KCNH8: variants seen among roughly 807,000 people sequenced by gnomAD.
The protein encoded by KCNH8 is voltage-gated delayed rectifier potassium channel KCNH8.
KCNH8 carries 70 observed loss-of-function variants against 103.6 expected under a neutral mutation model. That is an observed-to-expected ratio of 0.68 (90% confidence interval 0.56 to 0.82). The LOEUF is 0.82. Ranked by LOEUF, KCNH8 falls within the 40% of genes least tolerant of loss-of-function variation. The pLI is 0.00. For synonymous variants in KCNH8, 498 were observed against 489.4 expected, an observed-to-expected ratio of 1.02 and a Z score of -0.23; for missense variants, 1,217 against 1,329.9, an observed-to-expected ratio of 0.92 and a Z score of 1.32.
At chr3:19,478,123 G>T (rs754970979) in intron 11 of KCNH8, among the ~76,000 whole-genome samples, 4 of 152,024 alleles carry the variant, frequency 2.6e-5, no homozygotes, top group Non-Finnish European at 4.4e-5. Flanking sequence ...GTATTCCATG[G>T]TTTATATACA....
chr3:19,306,050 T>C (rs1386107439), intron 3 of KCNH8, among the ~76,000 whole-genome samples: 1 of 152,094 alleles, frequency 6.6e-6, no homozygotes, highest in Non-Finnish European at 1.5e-5. Context: ...GTTTCTGGTG[T>C]GAAAGAAATG....
At chr3:19,414,291 C>T (rs1157886492) in intron 7 of KCNH8, among the ~76,000 whole-genome samples, 2 of 151,904 alleles carry the variant, frequency 1.3e-5, no homozygotes, top group African/African-American at 4.8e-5. Context: ...TCAATATTTA[C>T]TGATAAGTAG....
chr3:19,323,054 C>T (rs1368414609), intron 3 of KCNH8, among the ~76,000 whole-genome samples: 5 of 151,980 alleles, frequency 3.3e-5, no homozygotes, highest in Non-Finnish European at 7.4e-5. Flanking sequence ...TTGTTTTTTA[C>T]GTTTGCTATT....
intron 1 of KCNH8, among the ~76,000 whole-genome samples, chr3:19,157,751 A>G: frequency 6.6e-6 from 1 of 152,112 alleles, no homozygotes. Context: ...AGATATTTAA[A>G]TGCTTTGTTG....
chr3:19,479,754 A>G (rs1251310329), intron 11 of KCNH8, among the ~76,000 whole-genome samples: 2 of 152,150 alleles, frequency 1.3e-5, no homozygotes. Flanking sequence ...CATTTTAACT[A>G]TGAGAGTCGT....
intron 14 of KCNH8, among the ~76,000 whole-genome samples, chr3:19,516,026 A>C (rs977358926): frequency 1.3e-5 from 2 of 152,112 alleles, no homozygotes; most frequent in African/African-American, 4.8e-5. Flanking sequence ...TCTGTCAACA[A>C]GACAAATAAA....
At chr3:19,365,550 A>G (rs1214478471) in intron 5 of KCNH8, among the ~76,000 whole-genome samples, 1 of 152,084 alleles carries the variant, frequency 6.6e-6, no homozygotes, top group Non-Finnish European at 1.5e-5. Flanking sequence ...TGCCACTTAA[A>G]TATAAAAATC....
chr3:19,295,633 C>T (rs939782332), intron 3 of KCNH8, among the ~76,000 whole-genome samples: 2 of 152,078 alleles, frequency 1.3e-5, no homozygotes, highest in Non-Finnish European at 2.9e-5. Context: ...ACAGAAAGGT[C>T]TATAGGTAAC....
At chr3:19,494,968 CAT>C (rs934910495) in intron 11 of KCNH8, among the ~76,000 whole-genome samples, 4 of 152,002 alleles carry the variant, frequency 2.6e-5, no homozygotes, top group Non-Finnish European at 4.4e-5. Context: ...AGCATTTTTT[CAT>C]ATGTTTTCTA....
chr3:19,363,964 G>A (rs2065978175), intron 5 of KCNH8, among the ~76,000 whole-genome samples: 1 of 152,026 alleles, frequency 6.6e-6, no homozygotes, highest in African/African-American at 2.4e-5. Context: ...TTTATGATGA[G>A]GAGAAAATTA....
chr3:19,501,869 A>G (rs1475669652), intron 11 of KCNH8, among the ~76,000 whole-genome samples: 1 of 152,180 alleles, frequency 6.6e-6, no homozygotes, highest in Admixed American at 6.5e-5. Flanking sequence ...CTGGCACAAG[A>G]CAGGGATGCC....
intron 7 of KCNH8, among the ~76,000 whole-genome samples, chr3:19,416,947 G>A (rs2066872803): frequency 6.6e-6 from 1 of 151,968 alleles, no homozygotes; most frequent in Non-Finnish European, 1.5e-5. Flanking sequence ...TATAAAAGGT[G>A]TAGTTCCAGT....
At chr3:19,260,534 A>ATATT (rs2064419887) in intron 2 of KCNH8, among the ~76,000 whole-genome samples, 1 of 109,510 alleles carries the variant, frequency 9.1e-6, no homozygotes, top group African/African-American at 3.4e-5. Flanking sequence ...ATATATATAT[A>ATATT]GTAAAATGGT....
At chr3:19,396,072 C>G (rs949677662) in intron 7 of KCNH8, among the ~76,000 whole-genome samples, 1 of 151,960 alleles carries the variant, frequency 6.6e-6, no homozygotes, top group Admixed American at 6.6e-5. Flanking sequence ...CAGTCATACC[C>G]TTTAGAGAAT....
chr3:19,449,348 A>G (rs1489180822), intron 8 of KCNH8, among the ~76,000 whole-genome samples: 1 of 150,978 alleles, frequency 6.6e-6, no homozygotes, highest in Non-Finnish European at 1.5e-5. Context: ...GGTGGCAACA[A>G]GGACTCTAAG....
Position 19,513,101 on chromosome 3 carries a change from G to A in KCNH8, c.2211G>A (p.Ser737=), listed in dbSNP as rs115216381. 2.3e-4 allele frequency: 374 copies of A among 1,613,770 alleles called. 1 individual carries two copies. The highest frequency in any genetic ancestry group is 1.7e-3 in the African/African-American group (130 of 74,976). Residue 737 remains serine (S), a synonymous_variant, in exon 13 of 16, where the codon TCG becomes TCA. Coordinates refer to ENST00000328405, the MANE Select transcript of KCNH8 (RefSeq NM_144633.3). Reference sequence around the variant, plus strand: ...CCATCTGCACAAGGGGATCTTCTTCGCGCAACAAGAAGGTTGGAAGCAATA... The same window carrying A: ...CCATCTGCACAAGGGGATCTTCTTCACGCAACAAGAAGGTTGGAAGCAATA... ...LSPICTRGSS[S]RNKKVGSNKA...
chr3:19,307,768 G>A (rs748823334), intron 3 of KCNH8, among the ~76,000 whole-genome samples: 22 of 152,056 alleles, frequency 1.4e-4, no homozygotes, highest in Middle Eastern at 6.8e-3. Context: ...GGAACTGAAA[G>A]ACATTATGTT....
At chr3:19,170,906 G>T (rs2063342532) in intron 1 of KCNH8, among the ~76,000 whole-genome samples, 1 of 148,158 alleles carries the variant, frequency 6.7e-6, no homozygotes. Context: ...CCGCCTCCTG[G>T]GTTCAAGCCA....
At chr3:19,460,379 C>G (rs2067603998) in intron 11 of KCNH8, among the ~76,000 whole-genome samples, 1 of 152,104 alleles carries the variant, frequency 6.6e-6, no homozygotes, top group Non-Finnish European at 1.5e-5. Flanking sequence ...CTATTTTAAT[C>G]TGTTTCTTAG....
Sources: gnomAD v4.1 joint callset for allele counts (sites outside exome capture counted in the v4.1 genomes callset) on GRCh38, gnomAD v4.1.1 for gene constraint, MANE v1.5 for transcripts, NCBI Gene and HGNC (gene_info 2026-07-23, HGNC 2026-07-21) for gene names.